DSCAM: variants seen among roughly 807,000 people sequenced by gnomAD.
DSCAM encodes cell adhesion molecule DSCAM.
Under a neutral mutation model 217.7 loss-of-function variants are expected in DSCAM, and 47 were observed. The observed-to-expected ratio is 0.22, with a 90% CI of 0.17 to 0.28. The LOEUF (loss-of-function observed/expected upper bound fraction) is 0.28, where lower values mean the gene tolerates loss of function less well. Among genes scored for constraint, DSCAM ranks in the 10% least tolerant of loss-of-function variants. The pLI is 1.00. For synonymous variants in DSCAM, 1,056 were observed against 1,015.3 expected, an observed-to-expected ratio of 1.04 and a Z score of -0.76; for missense variants, 2,080 against 2,618.3, an observed-to-expected ratio of 0.79 and a Z score of 4.49.
At chr21:40,481,552 A>AAAG (rs2075983216) in intron 3 of DSCAM, among the ~76,000 whole-genome samples, 1 of 144,522 alleles carries the variant, frequency 6.9e-6, no homozygotes, top group East Asian at 2.0e-4. Context: ...AAAAAAAAAA[A>AAAG]GCTCACAAGA....
intron 3 of DSCAM, among the ~76,000 whole-genome samples, chr21:40,586,547 A>G (rs924040422): frequency 1.3e-5 from 2 of 152,194 alleles, no homozygotes; most frequent in Admixed American, 6.5e-5. Flanking sequence ...TAATCACTAG[A>G]GGATTTGTTA....
At chr21:40,494,477 T>C (rs1448119707) in intron 3 of DSCAM, among the ~76,000 whole-genome samples, 2 of 152,172 alleles carry the variant, frequency 1.3e-5, no homozygotes, top group Admixed American at 1.3e-4. Context: ...AAATTAAACA[T>C]GTTCCTGAAT....
intron 1 of DSCAM, among the ~76,000 whole-genome samples, chr21:40,831,276 T>C (rs1304913753): frequency 1.3e-5 from 2 of 150,210 alleles, no homozygotes. Context: ...GAGAGAGTAA[T>C]AAGAATATCA....
intron 3 of DSCAM, among the ~76,000 whole-genome samples, chr21:40,577,693 A>G (rs1008635292): frequency 2.6e-5 from 4 of 152,160 alleles, no homozygotes; most frequent in Non-Finnish European, 5.9e-5. Flanking sequence ...TTTGGTTTAG[A>G]AAGGGGAGGG....
intron 1 of DSCAM, among the ~76,000 whole-genome samples, chr21:40,770,499 G>GT (rs2091435042): frequency 6.6e-6 from 1 of 152,124 alleles, no homozygotes; most frequent in South Asian, 2.1e-4. Flanking sequence ...AGTTATTCGA[G>GT]TTTTTTCCAT....
intron 3 of DSCAM, among the ~76,000 whole-genome samples, chr21:40,655,376 C>A (rs1274328603): frequency 6.6e-6 from 1 of 152,046 alleles, no homozygotes; most frequent in South Asian, 2.1e-4. Context: ...TCTAAAATGT[C>A]ACCCTATAGC....
intron 10 of DSCAM, among the ~76,000 whole-genome samples, chr21:40,293,561 G>C (rs1331292738): frequency 6.6e-6 from 1 of 152,160 alleles, no homozygotes; most frequent in Non-Finnish European, 1.5e-5. Flanking sequence ...TTAGATAAAC[G>C]TAATTATTGA....
intron 3 of DSCAM, among the ~76,000 whole-genome samples, chr21:40,527,643 A>G (rs7276968): frequency 0.03 from 4,528 of 152,272 alleles, 209 homozygotes; most frequent in African/African-American, 0.098. Context: ...AGTTCACACA[A>G]TCATGAACTA....
chr21:40,554,882 ATTGT>A (rs2146169127), intron 3 of DSCAM, among the ~76,000 whole-genome samples: 1 of 152,214 alleles, frequency 6.6e-6, no homozygotes, highest in South Asian at 2.1e-4. Flanking sequence ...TGGTATTGAA[ATTGT>A]TTATTTTCTT....
chr21:40,475,543 T>A (rs2075926316), intron 3 of DSCAM, among the ~76,000 whole-genome samples: 1 of 152,224 alleles, frequency 6.6e-6, no homozygotes, highest in South Asian at 2.1e-4. Flanking sequence ...AAGTGCTGAC[T>A]TTCCCATACA....
intron 3 of DSCAM, among the ~76,000 whole-genome samples, chr21:40,388,751 A>G (rs1454887110): frequency 6.6e-6 from 1 of 152,176 alleles, no homozygotes; most frequent in African/African-American, 2.4e-5. Flanking sequence ...ACTAAAACCT[A>G]TTACAATCCA....
intron 1 of DSCAM, among the ~76,000 whole-genome samples, chr21:40,766,251 A>C (rs2091387995): frequency 6.6e-6 from 1 of 152,174 alleles, no homozygotes; most frequent in Admixed American, 6.5e-5. Context: ...ATTACAAAGT[A>C]AGTTGAAATT....
chr21:40,403,300 C>CT lies in DSCAM; in HGVS notation c.509-34056dup, dbSNP rs200979884. ...TTTAATGTCCAGGTGATTAGTAAATCTTTTTTTTTTTTTTTGAGACAAGGT... is the reference window on the plus strand; with the variant it reads ...TTTAATGTCCAGGTGATTAGTAAATCTTTTTTTTTTTTTTTTGAGACAAGGT... On this transcript the variant is annotated intron_variant, in intron 3 of 32. Transcript: ENST00000400454. Among the ~76,000 whole-genome samples, 520 of 141,594 alleles carry CT rather than the reference C, an allele frequency of 3.7e-3. 9 individuals are homozygous for CT. Among genetic ancestry groups the CT allele is most frequent in the East Asian group, 0.019 (90 of 4,832 alleles). The allele number at this position is 141,594 out of a possible 152,430, so 92.9% of individuals were successfully genotyped here. A position where few individuals can be genotyped will look rare whatever the true frequency, so the allele number is the denominator to read the frequency against.
At chr21:40,354,632 G>A (rs568936720) in intron 4 of DSCAM, among the ~76,000 whole-genome samples, 1 of 152,084 alleles carries the variant, frequency 6.6e-6, no homozygotes, top group Non-Finnish European at 1.5e-5. Flanking sequence ...GGCAGATCAC[G>A]AGGTTAGGAG....
At chr21:40,498,488 T>G (rs904396096) in intron 3 of DSCAM, among the ~76,000 whole-genome samples, 3 of 151,542 alleles carry the variant, frequency 2.0e-5, no homozygotes, top group African/African-American at 7.3e-5. Flanking sequence ...GAAACTGACT[T>G]CTGTATAAAC....
chr21:40,812,467 C>T (rs1357355406), intron 1 of DSCAM, among the ~76,000 whole-genome samples: 1 of 152,178 alleles, frequency 6.6e-6, no homozygotes, highest in Non-Finnish European at 1.5e-5. Flanking sequence ...GAAATCACAC[C>T]ATGGCTCCCA....
At chr21:40,824,403 ATTTTT>A (rs536114434) in intron 1 of DSCAM, among the ~76,000 whole-genome samples, 1 of 121,028 alleles carries the variant, frequency 8.3e-6, no homozygotes. Flanking sequence ...TTTATTATTG[ATTTTT>A]TTTTTTTTTT....
intron 29 of DSCAM, 107 bp downstream of exon 29, chr21:40,055,618 C>T: frequency 1.3e-6 from 1 of 774,552 alleles, no homozygotes; most frequent in Non-Finnish European, 2.2e-6. Flanking sequence ...ACTCACGTAG[C>T]CTTCAAGACG....
chr21:40,829,344 C>T (rs1465404762), intron 1 of DSCAM, among the ~76,000 whole-genome samples: 2 of 152,024 alleles, frequency 1.3e-5, no homozygotes, highest in African/African-American at 4.8e-5. Flanking sequence ...AGTAGTCTTC[C>T]CACAGACACA....
Sources: allele counts gnomAD v4.1 joint callset (sites outside exome capture counted in the v4.1 genomes callset), GRCh38; gene constraint gnomAD v4.1.1; transcripts MANE v1.5; gene names NCBI Gene and HGNC (gene_info 2026-07-23, HGNC 2026-07-21).